Variants in TNRC18 observed in about 807,000 individuals in gnomAD.
The protein encoded by TNRC18 is trinucleotide repeat-containing gene 18 protein.
Under a neutral mutation model 226.7 loss-of-function variants are expected in TNRC18, and 69 were observed. That is an observed-to-expected ratio of 0.30 (90% CI 0.25 to 0.37). The LOEUF is 0.37. TNRC18 is among the 10% of genes least tolerant of loss of function. The pLI, the probability that TNRC18 is intolerant of heterozygous loss-of-function variation, is 1.00. For synonymous variants in TNRC18, 2,449 were observed against 1,927.6 expected (o/e 1.27, Z -7.09); for missense variants, 4,754 against 4,256.6 (o/e 1.12, Z -3.25).
intron 5 of TNRC18, among the ~76,000 whole-genome samples, chr7:5,379,372 G>C (rs1779237971): frequency 6.6e-6 from 1 of 151,706 alleles, no homozygotes; most frequent in African/African-American, 2.4e-5. Flanking sequence ...CTCCAGCCTG[G>C]GTGACAGAGC....
chr7:5,369,880 T>C (rs1793983003), intron 11 of TNRC18, among the ~76,000 whole-genome samples: 1 of 152,172 alleles, frequency 6.6e-6, no homozygotes, highest in South Asian at 2.1e-4. Context: ...ACACTTAACA[T>C]GCCACTCACT....
chr7:5,373,600 C>T (rs1164130227), intron 10 of TNRC18, among the ~76,000 whole-genome samples: 1 of 152,210 alleles, frequency 6.6e-6, no homozygotes, highest in Non-Finnish European at 1.5e-5. Context: ...GGAGGAAGAA[C>T]ACAGTCCCAG....
At position 5,309,021 on chromosome 7, in the gene TNRC18, G is replaced by A; in HGVS notation, c.8626-72C>T. ...GCACCCGACCCCAGGCCCCAGGACAGGGCTGACCCACTGGGCAGGGCTGCT... is the reference window on the plus strand; with the variant it reads ...GCACCCGACCCCAGGCCCCAGGACAAGGCTGACCCACTGGGCAGGGCTGCT... On this transcript the variant is annotated intron_variant, in intron 28 of 29. Coordinates refer to ENST00000430969, the MANE Select transcript of TNRC18 (RefSeq NM_001080495.3). The surrounding 1 kb of genome is among the most constrained non-coding windows in gnomAD (Gnocchi z 5.7). 1.3e-6 allele frequency: 2 copies of A among 1,532,172 alleles called. No homozygotes were observed. The highest frequency in any genetic ancestry group is 2.4e-5 in the South Asian group (2 of 84,484). The allele number at this position is 1,532,172 out of a possible 1,614,324, so 94.9% of individuals were successfully genotyped here.
At chr7:5,347,347 A>C (rs538035630) in intron 17 of TNRC18, among the ~76,000 whole-genome samples, 1 of 145,304 alleles carries the variant, frequency 6.9e-6, no homozygotes, top group Non-Finnish European at 1.5e-5. Context: ...CCACCACACC[A>C]GGCTAATTTT....
intron 16 of TNRC18, among the ~76,000 whole-genome samples, chr7:5,354,535 C>A (rs542769444): frequency 2.0e-5 from 3 of 152,110 alleles, no homozygotes; most frequent in South Asian, 4.2e-4. Flanking sequence ...AGTGATGAGT[C>A]TCTGGCACTG....
intron 24 of TNRC18, 123 bp from the exon 25 acceptor site, chr7:5,316,195 G>A: frequency 1.6e-6 from 1 of 640,850 alleles, no homozygotes; most frequent in Non-Finnish European, 2.6e-6. Flanking sequence ...CAGCAGTGGG[G>A]ACATGGGTGG....
intron 11 of TNRC18, among the ~76,000 whole-genome samples, chr7:5,367,186 G>A (rs892347848): frequency 6.6e-6 from 1 of 151,994 alleles, no homozygotes; most frequent in Admixed American, 6.6e-5. Context: ...CCAACATGGG[G>A]AAACCCCGTC....
chr7:5,322,659 A>G (rs1343849503), intron 21 of TNRC18, among the ~76,000 whole-genome samples: 1 of 152,144 alleles, frequency 6.6e-6, no homozygotes, highest in Admixed American at 6.5e-5. Flanking sequence ...AAACTTGCCG[A>G]CGGCGGTCAC....
chr7:5,404,762 C>CTGTGTGTGTGTGTGTGTG (rs1562627364), intron 2 of TNRC18, among the ~76,000 whole-genome samples: 24 of 108,980 alleles, frequency 2.2e-4, no homozygotes, highest in African/African-American at 9.9e-4. Context: ...TGCACACTTT[C>CTGTGTGTGTGTGTGTGTG]AGTGTGTGTG....
intron 5 of TNRC18, among the ~76,000 whole-genome samples, chr7:5,385,669 C>A (rs1240371022): frequency 7.5e-6 from 1 of 132,606 alleles, no homozygotes; most frequent in Non-Finnish European, 1.6e-5. Flanking sequence ...GGTGACAGAG[C>A]GAGACTCCAT....
rs768863601 is a variant in TNRC18, at chr7:5,324,395, A to C, written c.6301-40T>G. ...TGGCCGACAAATGACTTAGGACCTG[A>C]ACAGGGGTCCTGCCGGGTTGGGGAC... On this transcript the variant is annotated intron_variant, in intron 20 of 29. Transcript: ENST00000430969. The surrounding 1 kb of genome is among the most constrained non-coding windows in gnomAD (Gnocchi z 4.8). 6.2e-7 allele frequency: 1 copy of C among 1,605,712 alleles called. No homozygotes were observed. The highest frequency in any genetic ancestry group is 1.7e-5 in the Admixed American group (1 of 59,634).
At chr7:5,382,683 C>G (rs1045756441) in intron 5 of TNRC18, among the ~76,000 whole-genome samples, 2 of 152,128 alleles carry the variant, frequency 1.3e-5, no homozygotes, top group Non-Finnish European at 2.9e-5. Flanking sequence ...CCTCCCAGAC[C>G]TGGCCCCACC....
rs550366028 is a variant in TNRC18, at chr7:5,374,527, C to G, written c.2800-43G>C. ...GGCAGGGTCAGCACGGCACGAGTTTCCCCCTCCCCGACGCCCGCACCTGCC... is the reference window on the plus strand; with the variant it reads ...GGCAGGGTCAGCACGGCACGAGTTTGCCCCTCCCCGACGCCCGCACCTGCC... On this transcript the variant is annotated intron_variant, in intron 9 of 29. Transcript: ENST00000430969. 1.3e-5 allele frequency: 20 copies of G among 1,517,262 alleles called. No individual in the cohort carries two copies. In the South Asian group the frequency reaches 2.4e-4, roughly 19 times the overall value. The allele number at this position is 1,517,262 out of a possible 1,614,324, so 94.0% of individuals were successfully genotyped here. A position where few individuals can be genotyped will look rare whatever the true frequency, so the allele number is the denominator to read the frequency against.
intron 16 of TNRC18, among the ~76,000 whole-genome samples, chr7:5,353,365 C>T (rs1039929811): frequency 9.9e-5 from 15 of 151,980 alleles, no homozygotes; most frequent in Non-Finnish European, 1.6e-4. Flanking sequence ...GGCAAAACCC[C>T]GTCTGTATTT....
At chr7:5,368,983 C>T (rs182958487) in intron 11 of TNRC18, among the ~76,000 whole-genome samples, 6 of 152,288 alleles carry the variant, frequency 3.9e-5, no homozygotes, top group Admixed American at 3.3e-4. Context: ...AGAGGCAACA[C>T]ATCCCAGATC....
At chr7:5,418,036 C>T (rs1254311017) in intron 2 of TNRC18, among the ~76,000 whole-genome samples, 1 of 152,140 alleles carries the variant, frequency 6.6e-6, no homozygotes, top group Admixed American at 6.5e-5. Context: ...CCACCCAGAA[C>T]CCTGGGTCCC....
At position 5,345,801 on chromosome 7, in the gene TNRC18, G is replaced by C. The variant is rs183021100; in HGVS notation, c.5480C>G (p.Ser1827Trp). ...CTCCTCCTCCTCGTCCTCCTCCTCC[G>C]AGCTCTCATCTGGCGTGCAGAAAAC... is the stretch of plus-strand genomic sequence containing the variant. ...SEESFDQDES[S>W]EEEDEEEELE... The change falls in exon 18 of 30, where the codon TCG becomes TGG. Residue 1827 changes from serine to tryptophan, a missense_variant. Coordinates refer to ENST00000430969, the MANE Select transcript of TNRC18 (RefSeq NM_001080495.3). The C allele has an allele frequency of 3.2e-6, 5 of 1,543,112 alleles. No individual in the cohort carries two copies. The highest frequency in any genetic ancestry group is 1.7e-4 in the Middle Eastern group (1 of 6,000).
At chr7:5,382,960 C>T (rs139685566) in intron 5 of TNRC18, among the ~76,000 whole-genome samples, 113 of 152,322 alleles carry the variant, frequency 7.4e-4, no homozygotes, top group African/African-American at 2.5e-3. Context: ...CTCAGTGGTG[C>T]GATCTCACTG....
chr7:5,415,303 C>T (rs1782108864), intron 2 of TNRC18, among the ~76,000 whole-genome samples: 1 of 150,932 alleles, frequency 6.6e-6, no homozygotes. Flanking sequence ...TGTGCTGATA[C>T]AGCCCCTCAC....
Sources: allele counts gnomAD v4.1 joint callset (sites outside exome capture counted in the v4.1 genomes callset), GRCh38; gene constraint gnomAD v4.1.1; non-coding constraint Gnocchi (gnomAD v3.1); transcripts MANE v1.5; gene names NCBI Gene and HGNC (gene_info 2026-07-23, HGNC 2026-07-21).